Variants in PACRG observed in about 807,000 individuals in gnomAD.
PACRG encodes the protein parkin coregulated gene protein.
PACRG carries 29 observed loss-of-function variants against 29.7 expected under a neutral mutation model. That is an observed-to-expected ratio of 0.98 (90% CI 0.73 to 1.33). PACRG has a LOEUF of 1.33. PACRG is among the 40% of genes most tolerant of loss of function. The pLI, the probability that PACRG is intolerant of heterozygous loss-of-function variation, is 0.00. For synonymous variants in PACRG, 116 were observed against 118.7 expected (o/e 0.98, Z 0.15); for missense variants, 279 against 316.2 (o/e 0.88, Z 0.89).
At chr6:163,278,515 G>T (rs2128182976) in intron 4 of PACRG, among the ~76,000 whole-genome samples, 1 of 152,216 alleles carries the variant, frequency 6.6e-6, no homozygotes, top group Middle Eastern at 3.4e-3. Flanking sequence ...TTTGTATAAG[G>T]TAAGAGATGA....
chr6:163,164,542 A>G (rs1004334803), intron 4 of PACRG, among the ~76,000 whole-genome samples: 7 of 152,246 alleles, frequency 4.6e-5, no homozygotes, highest in Non-Finnish European at 8.8e-5. Context: ...TGAGTTAAGA[A>G]GCTGCATAGG....
At chr6:163,054,368 C>T (rs570699822) in intron 2 of PACRG, among the ~76,000 whole-genome samples, 33 of 152,288 alleles carry the variant, frequency 2.2e-4, no homozygotes, top group African/African-American at 7.7e-4. Flanking sequence ...AGCCAGGAAG[C>T]GATCTCTCCC....
intron 2 of PACRG, among the ~76,000 whole-genome samples, chr6:162,850,605 C>T (rs57295946): frequency 2.0e-5 from 3 of 152,136 alleles, no homozygotes; most frequent in Non-Finnish European, 2.9e-5. Context: ...GGACAGGGCT[C>T]AGGGAGCTCG....
chr6:162,806,082 A>G (rs1249895077), intron 1 of PACRG, among the ~76,000 whole-genome samples: 1 of 152,050 alleles, frequency 6.6e-6, no homozygotes, highest in East Asian at 1.9e-4. Context: ...TATGGCAGCT[A>G]GAGCCTTACA....
intron 4 of PACRG, 147 bp from the exon 5 acceptor site, chr6:163,314,680 C>T (rs1785575814): frequency 1.2e-6 from 1 of 846,670 alleles, no homozygotes; most frequent in African/African-American, 1.7e-5. Flanking sequence ...ACAGTTGCCA[C>T]TGCTTTTAAA....
chr6:163,109,252 A>G (rs753493411), intron 4 of PACRG, among the ~76,000 whole-genome samples: 12 of 152,212 alleles, frequency 7.9e-5, no homozygotes, highest in African/African-American at 1.2e-4. Context: ...CCAAAAGTCA[A>G]TCATTTACCA....
At chr6:163,142,419 C>T (rs1368146798) in intron 4 of PACRG, among the ~76,000 whole-genome samples, 1 of 151,650 alleles carries the variant, frequency 6.6e-6, no homozygotes, top group African/African-American at 2.4e-5. Flanking sequence ...ATATAAATTA[C>T]CAAAAAATAG....
intron 2 of PACRG, among the ~76,000 whole-genome samples, chr6:163,044,094 G>A (rs1235223856): frequency 6.6e-6 from 1 of 152,104 alleles, no homozygotes; most frequent in Non-Finnish European, 1.5e-5. Context: ...CAAGATAACA[G>A]GGTGTTCATG....
chr6:162,787,576 G>GTATA (rs1421392024), intron 1 of PACRG, among the ~76,000 whole-genome samples: 1 of 59,538 alleles, frequency 1.7e-5, no homozygotes, highest in African/African-American at 6.6e-5. Context: ...GTGTGTGTGT[G>GTATA]TGTGTGTATA....
At chr6:162,956,533 G>A (rs1278977752) in intron 2 of PACRG, among the ~76,000 whole-genome samples, 1 of 152,202 alleles carries the variant, frequency 6.6e-6, no homozygotes, top group African/African-American at 2.4e-5. Context: ...TCAAAGCTCT[G>A]GAGGCCAGAA....
At chr6:162,805,257 C>G (rs374433115) in intron 1 of PACRG, among the ~76,000 whole-genome samples, 1 of 152,090 alleles carries the variant, frequency 6.6e-6, no homozygotes, top group Non-Finnish European at 1.5e-5. Flanking sequence ...CAGAGAGTCA[C>G]GTGGTTTTTT....
intron 4 of PACRG, among the ~76,000 whole-genome samples, chr6:163,093,160 C>T (rs924339752): frequency 2.0e-5 from 3 of 152,192 alleles, no homozygotes; most frequent in Non-Finnish European, 2.9e-5. Context: ...TAGGGAGCAT[C>T]GTATTTACAA....
intron 2 of PACRG, among the ~76,000 whole-genome samples, chr6:162,844,021 T>G (rs1790082171): frequency 7.7e-6 from 1 of 129,834 alleles, no homozygotes; most frequent in Non-Finnish European, 1.6e-5. Flanking sequence ...CAGGGACATT[T>G]AAGTCTGCAG....
At chr6:162,818,271 A>G (rs148311264) in intron 2 of PACRG, among the ~76,000 whole-genome samples, 216 of 152,374 alleles carry the variant, frequency 1.4e-3, no homozygotes, top group Non-Finnish European at 2.8e-3. Flanking sequence ...AAAGCAGATA[A>G]TCAGATGAAC....
chr6:162,909,208 C>G (rs1191222636), intron 2 of PACRG, among the ~76,000 whole-genome samples: 1 of 152,088 alleles, frequency 6.6e-6, no homozygotes, highest in African/African-American at 2.4e-5. Flanking sequence ...AGGCTTTTCC[C>G]AAGTTATTTC....
intron 4 of PACRG, among the ~76,000 whole-genome samples, chr6:163,287,062 T>C (rs1337677122): frequency 1.3e-5 from 2 of 152,082 alleles, no homozygotes; most frequent in African/African-American, 4.8e-5. Flanking sequence ...AAAGACCATC[T>C]GATTATTTTT....
chr6:162,755,244 A>C (rs1781817822), intron 1 of PACRG, among the ~76,000 whole-genome samples: 1 of 151,770 alleles, frequency 6.6e-6, no homozygotes, highest in African/African-American at 2.4e-5. Flanking sequence ...AAAACCTGTT[A>C]GTTTGGTTGT....
At chr6:163,109,393 C>T (rs568619) in intron 4 of PACRG, among the ~76,000 whole-genome samples, 38,435 of 152,106 alleles carry the variant, frequency 0.25, 5,334 homozygotes, top group East Asian at 0.52. Context: ...TCTTTGTTCT[C>T]CATGCAGCAA....
chr6:163,089,557 C>T lies in PACRG; in HGVS notation c.613+149C>T, dbSNP rs569905095. Reference sequence around the variant, plus strand: ...TCTAAATAGCATATTCCCACGCCTTCTCCAGCTACTCCCTAGGGAAACAGT... The same window carrying T: ...TCTAAATAGCATATTCCCACGCCTTTTCCAGCTACTCCCTAGGGAAACAGT... On this transcript the variant is annotated intron_variant, in intron 4 of 4. Transcript: ENST00000366888. The T allele has an allele frequency of 1.6e-4, 144 of 905,372 alleles. No individual in the cohort carries two copies. In the African/African-American group the frequency reaches 2.3e-3, roughly 14 times the overall value. The allele number at this position is 905,372 out of a possible 1,614,324, so 56.1% of individuals were successfully genotyped here. A position where few individuals can be genotyped will look rare whatever the true frequency, so the allele number is the denominator to read the frequency against.
Sources: gnomAD v4.1 joint callset for allele counts (sites outside exome capture counted in the v4.1 genomes callset) on GRCh38, gnomAD v4.1.1 for gene constraint, MANE v1.5 for transcripts, NCBI Gene and HGNC (gene_info 2026-07-23, HGNC 2026-07-21) for gene names.